CELF4: variants seen among roughly 807,000 people sequenced by gnomAD.
CELF4 encodes CUG-BP- and ETR-3-like factor 4.
In CELF4, 18 loss-of-function variants were observed where a neutral mutation model predicts 59.9. The ratio of observed to expected loss-of-function variants is 0.30; its 90% CI spans 0.21 to 0.45. The LOEUF (loss-of-function observed/expected upper bound fraction) is 0.45, where lower values mean the gene tolerates loss of function less well. Ranked by LOEUF, CELF4 falls within the 20% of genes least tolerant of loss-of-function variation. The pLI is 1.00. For synonymous variants in CELF4, 261 were observed against 267.1 expected (o/e 0.98, Z 0.22); for missense variants, 456 against 689.0 (o/e 0.66, Z 3.79).
chr18:37,419,321 T>C (rs1330797088), intron 2 of CELF4, among the ~76,000 whole-genome samples: 2 of 152,180 alleles, frequency 1.3e-5, no homozygotes, highest in Non-Finnish European at 2.9e-5. Flanking sequence ...TCAAGAAAGA[T>C]GCACTGAGGA....
At chr18:37,552,749 G>A (rs148228800) in intron 1 of CELF4, among the ~76,000 whole-genome samples, 23 of 152,260 alleles carry the variant, frequency 1.5e-4, no homozygotes, top group Non-Finnish European at 2.6e-4. Context: ...CTGGCTTTCT[G>A]CTGGCTCCAG....
rs530237293 is a variant in CELF4, at chr18:37,246,374, G to T, written c.*45-1177C>A. Among the ~76,000 whole-genome samples, 4 of 152,066 alleles carry T rather than the reference G, an allele frequency of 2.6e-5. No homozygotes were observed. Among genetic ancestry groups the T allele is most frequent in the Non-Finnish European group, 5.9e-5 (4 of 68,002 alleles). ...AAAAAGGTGCATTTTGCTTTTGTTA[G>T]TACTGTTTCTTCCAAACCAACCAAA... On this transcript the variant is annotated intron_variant, in intron 12 of 12. Coordinates refer to ENST00000420428, the MANE Select transcript of CELF4 (RefSeq NM_020180.4). The surrounding 1 kb of genome is among the most constrained non-coding windows in gnomAD (Gnocchi z 5.3).
chr18:37,287,959 G>A lies in CELF4; in HGVS notation c.449-12716C>T, dbSNP rs960985821. 3.2e-4 allele frequency among the ~76,000 whole-genome samples: 48 copies of A among 152,160 alleles called. 2 individuals are homozygous for A. Among genetic ancestry groups the A allele is most frequent in the Non-Finnish European group, 1.5e-5 (1 of 68,024 alleles). ...GCCAGGATGCTTCTGAGGACTTCAG[G>A]TAATGAGGTCTAAATGCAAAGGTCA... On this transcript the variant is annotated intron_variant, in intron 3 of 12. Transcript: ENST00000420428.
At chr18:37,558,683 A>ATT (rs2099985640) in intron 1 of CELF4, among the ~76,000 whole-genome samples, 1 of 151,222 alleles carries the variant, frequency 6.6e-6, no homozygotes, top group African/African-American at 2.4e-5. Context: ...AAAGGAGTGG[A>ATT]TTTTCTGCTC....
chr18:37,274,707 T>C (rs1290323807), intron 5 of CELF4, 98 bp downstream of exon 5: 3 of 1,502,942 alleles, frequency 2.0e-6, no homozygotes, highest in African/African-American at 1.4e-5. Flanking sequence ...CATGCTTTCC[T>C]GTCTCTTGGG....
intron 2 of CELF4, among the ~76,000 whole-genome samples, chr18:37,398,148 G>C (rs1027077796): frequency 6.6e-6 from 1 of 152,190 alleles, no homozygotes; most frequent in Admixed American, 6.5e-5. Context: ...TGTTGGGAGA[G>C]AGTGAAGGAG....
At position 37,272,572 on chromosome 18, in the gene CELF4, G is replaced by GAAAAAAAA. The variant is rs397692958; in HGVS notation, c.949+436_949+443dup. 1.0e-4 allele frequency among the ~76,000 whole-genome samples: 11 copies of GAAAAAAAA among 104,894 alleles called. 1 individual carries two copies. The highest frequency in any genetic ancestry group is 2.1e-4 in the Admixed American group (2 of 9,534). The allele number at this position is 104,894 out of a possible 152,430, so 68.8% of individuals were successfully genotyped here. A position where few individuals can be genotyped will look rare whatever the true frequency, so the allele number is the denominator to read the frequency against. On this transcript the variant is annotated intron_variant, in intron 7 of 12. Transcript: ENST00000420428. ...AGTCTAGATTGGGTTAAAGGGAAAT[G>GAAAAAAAA]AAAAAAAAAAAAAAAAAAAAAAGAC...
chr18:37,564,208 A>C (rs2154606408), intron 1 of CELF4, among the ~76,000 whole-genome samples: 1 of 152,230 alleles, frequency 6.6e-6, no homozygotes, highest in East Asian at 1.9e-4. Flanking sequence ...CCTGGCGATC[A>C]ATCTCTCTCA....
chr18:37,529,046 A>G lies in CELF4; in HGVS notation c.286+36310T>C, dbSNP rs1040748639. ...CAGAGGATGGAGGCTCTAGGGTAGG[A>G]TGACCCAGGTGGAGGTGGGTACTAA... On this transcript the variant is annotated intron_variant, in intron 1 of 12. Coordinates refer to ENST00000420428, the MANE Select transcript of CELF4 (RefSeq NM_020180.4). 7 of 152,052 alleles carry G rather than the reference A, an allele frequency of 4.6e-5. 1 individual carries two copies. The South Asian group carries it at 1.2e-3, about 27-fold the overall frequency. The allele number at this position is 152,052 out of a possible 1,614,324, so 9.4% of individuals were successfully genotyped here.
intron 3 of CELF4, among the ~76,000 whole-genome samples, chr18:37,309,546 C>T (rs764708832): frequency 2.0e-5 from 3 of 152,130 alleles, no homozygotes; most frequent in South Asian, 2.1e-4. Context: ...AAGCAGATCC[C>T]GCTAACAGAG....
rs149162412 is a variant in CELF4, at chr18:37,533,803, G to A, written c.286+31553C>T. ...GAGCTGCAGAGATGGGGAGAAATTCGGGGGATGGGGAGAAAGGCATTGCCG... is the reference window on the plus strand; with the variant it reads ...GAGCTGCAGAGATGGGGAGAAATTCAGGGGATGGGGAGAAAGGCATTGCCG... On this transcript the variant is annotated intron_variant, in intron 1 of 12. Coordinates refer to ENST00000420428, the MANE Select transcript of CELF4 (RefSeq NM_020180.4). Among the ~76,000 whole-genome samples, 253 of 152,310 alleles carry A rather than the reference G, an allele frequency of 1.7e-3. 1 individual carries two copies. The highest frequency in any genetic ancestry group is 6.0e-3 in the African/African-American group (248 of 41,554).
Position 37,562,377 on chromosome 18 carries a change from C to CTTT in CELF4, c.286+2976_286+2978dup, listed in dbSNP as rs5824077. On this transcript the variant is annotated intron_variant, in intron 1 of 12. Coordinates refer to ENST00000420428, the MANE Select transcript of CELF4 (RefSeq NM_020180.4). ...TTAGTTTTTACTTCTTTTCCTTTTC[C>CTTT]TTTTTTTTTTTTTGCCACTAACATA... is the stretch of plus-strand genomic sequence containing the variant. 3.0e-3 allele frequency among the ~76,000 whole-genome samples: 431 copies of CTTT among 145,754 alleles called. 3 individuals are homozygous for CTTT. The highest frequency in any genetic ancestry group is 0.01 in the African/African-American group (413 of 39,916).
intron 2 of CELF4, among the ~76,000 whole-genome samples, chr18:37,343,749 T>C (rs922341173): frequency 1.3e-5 from 2 of 152,062 alleles, no homozygotes; most frequent in Admixed American, 6.5e-5. Context: ...TCGTGTTCCG[T>C]GCCCTGCGAA....
chr18:37,254,183 C>A lies in CELF4; in HGVS notation c.1334-245G>T, dbSNP rs1014650752. 6.6e-6 allele frequency among the ~76,000 whole-genome samples: 1 copy of A among 151,116 alleles called. No individual in the cohort carries two copies. Among genetic ancestry groups the A allele is most frequent in the Non-Finnish European group, 1.5e-5 (1 of 67,672 alleles). On this transcript the variant is annotated intron_variant, in intron 11 of 12. Transcript: ENST00000420428. The surrounding 1 kb of genome is among the most constrained non-coding windows in gnomAD (Gnocchi z 5.1). ...GCGCCTAGTCTCTGGCCGCGTCACT[C>A]GCCCGGCGCCCGCTCCCCAAGTGGG...
At chr18:37,504,145 G>A (rs1786798) in intron 1 of CELF4, among the ~76,000 whole-genome samples, 69,198 of 152,042 alleles carry the variant, frequency 0.46, 18,018 homozygotes, top group Middle Eastern at 0.6. Flanking sequence ...AATGGAGTTG[G>A]ATGAGCTGAT....
chr18:37,392,248 C>T (rs1197686975), intron 2 of CELF4, among the ~76,000 whole-genome samples: 2 of 152,200 alleles, frequency 1.3e-5, no homozygotes, highest in Non-Finnish European at 2.9e-5. Context: ...GGAGAGAAGA[C>T]CTAGTTGCAC....
At chr18:37,344,148 T>C (rs906518444) in intron 2 of CELF4, among the ~76,000 whole-genome samples, 1 of 152,246 alleles carries the variant, frequency 6.6e-6, no homozygotes, top group Non-Finnish European at 1.5e-5. Flanking sequence ...TCAGGAGCCT[T>C]CCTCGAGAGG....
chr18:37,362,282 C>T (rs1698870530), intron 2 of CELF4, among the ~76,000 whole-genome samples: 1 of 99,616 alleles, frequency 1.0e-5, no homozygotes, highest in African/African-American at 3.3e-5. Context: ...TCCAGCCCCG[C>T]TCCTCCTCCT....
At chr18:37,539,629 G>A (rs2099976338) in intron 1 of CELF4, among the ~76,000 whole-genome samples, 6 of 151,352 alleles carry the variant, frequency 4.0e-5, no homozygotes, top group African/African-American at 1.4e-4. Flanking sequence ...TTGTTAGTCA[G>A]TGCACACGCA....
Sources: allele counts gnomAD v4.1 joint callset (sites outside exome capture counted in the v4.1 genomes callset), GRCh38; gene constraint gnomAD v4.1.1; non-coding constraint Gnocchi (gnomAD v3.1); transcripts MANE v1.5; gene names NCBI Gene and HGNC (gene_info 2026-07-23, HGNC 2026-07-21).